Variants in CNTN6 observed in about 807,000 individuals in gnomAD.
CNTN6 encodes the protein contactin 6.
Under a neutral mutation model 122.8 loss-of-function variants are expected in CNTN6, and 137 were observed. The observed-to-expected ratio is 1.12, with a 90% CI of 0.97 to 1.29. The LOEUF (loss-of-function observed/expected upper bound fraction) is 1.29, where lower values mean the gene tolerates loss of function less well. Ranked by LOEUF, CNTN6 falls within the 50% of genes most tolerant of loss-of-function variation. The probability of loss-of-function intolerance (pLI) is 0.00; values close to 1 mark genes in which losing one functional copy is unlikely to be tolerated. For missense variants in CNTN6, 1,634 were observed against 1,223.4 expected, an observed-to-expected ratio of 1.34 and a Z score of -5.01; for synonymous variants, 570 against 426.0, an observed-to-expected ratio of 1.34 and a Z score of -4.16.
intron 1 of CNTN6, among the ~76,000 whole-genome samples, chr3:1,124,992 A>C (rs1409351046): frequency 6.6e-6 from 1 of 151,952 alleles, no homozygotes; most frequent in Admixed American, 6.6e-5. Context: ...GTCACAAAGT[A>C]GTCATTTTGT....
intron 1 of CNTN6, among the ~76,000 whole-genome samples, chr3:1,134,386 A>C (rs1362076927): frequency 6.6e-6 from 1 of 152,136 alleles, no homozygotes; most frequent in Non-Finnish European, 1.5e-5. Flanking sequence ...CCACTGAGCT[A>C]GTCTCCTACA....
At chr3:1,375,927 A>C (rs2126152146) in intron 16 of CNTN6, among the ~76,000 whole-genome samples, 1 of 152,214 alleles carries the variant, frequency 6.6e-6, no homozygotes, top group South Asian at 2.1e-4. Context: ...ATCTAGATTT[A>C]TTTAGGTGGT....
chr3:1,261,644 C>T (rs73109293), intron 4 of CNTN6, among the ~76,000 whole-genome samples: 3,324 of 152,164 alleles, frequency 0.022, 127 homozygotes, highest in African/African-American at 0.076. Flanking sequence ...ACGTAACTGT[C>T]CCCCAATGTG....
intron 1 of CNTN6, among the ~76,000 whole-genome samples, chr3:1,107,514 C>A (rs1191257328): frequency 6.6e-6 from 1 of 152,048 alleles, no homozygotes; most frequent in Admixed American, 6.6e-5. Context: ...ACCTTTCCTC[C>A]TTAAAATTAG....
intron 1 of CNTN6, among the ~76,000 whole-genome samples, chr3:1,117,427 T>G (rs980462974): frequency 8.5e-5 from 13 of 152,128 alleles, no homozygotes; most frequent in Non-Finnish European, 1.6e-4. Context: ...TGTGTTATAG[T>G]GGTTATGGGT....
At chr3:1,267,525 G>T (rs2094945536) in intron 4 of CNTN6, among the ~76,000 whole-genome samples, 1 of 152,038 alleles carries the variant, frequency 6.6e-6, no homozygotes, top group African/African-American at 2.4e-5. Flanking sequence ...CCCTCTCACG[G>T]TACACCTCTA....
Position 1,279,500 on chromosome 3 carries a change from T to C in CNTN6, c.454+992T>C, listed in dbSNP as rs544010525. Among the ~76,000 whole-genome samples the C allele has an allele frequency of 8.5e-5, 13 of 152,332 alleles. 2 individuals carry two copies. The South Asian group carries it at 1.9e-3, about 22-fold the overall frequency. ...TATAAGAGATATATGAGTATAATTA[T>C]TGTTTTACAGGCTCAGTACACTATA... On this transcript the variant is annotated intron_variant, in intron 5 of 22. Coordinates refer to ENST00000446702, the MANE Select transcript of CNTN6 (RefSeq NM_001289080.2).
chr3:1,308,688 G>T (rs902048999), intron 7 of CNTN6, among the ~76,000 whole-genome samples: 4 of 151,994 alleles, frequency 2.6e-5, no homozygotes, highest in South Asian at 2.1e-4. Context: ...TCCACTTACT[G>T]ATCAGTACCT....
intron 1 of CNTN6, among the ~76,000 whole-genome samples, chr3:1,138,138 A>T (rs1036285507): frequency 7.2e-5 from 11 of 152,182 alleles, no homozygotes; most frequent in African/African-American, 2.7e-4. Flanking sequence ...CAATTTGTCA[A>T]AGTTCCTCTT....
chr3:1,321,651 C>A lies in CNTN6; in HGVS notation c.763C>A (p.Pro255Thr). 1 of 1,609,980 alleles carries A rather than the reference C, an allele frequency of 6.2e-7. No individual in the cohort carries two copies. The highest frequency in any genetic ancestry group is 8.5e-7 in the Non-Finnish European group (1 of 1,177,684). The part of the protein sequence containing the change: ...VKLECFALGN[P>T]VPDISWRRLD... ...TTCTAATGAGGTGTAACTGTTTAGT[C>A]CAGTCCCCGATATTAGTTGGAGAAG... The change falls in exon 8 of 23, where the codon CCA (proline) becomes ACA (threonine). Residue 255 changes from proline (P) to threonine (T), a missense_variant and splice_region_variant. Pro to Thr is a conservative substitution (Grantham distance 38). Coordinates refer to ENST00000446702, the MANE Select transcript of CNTN6 (RefSeq NM_001289080.2).
intron 2 of CNTN6, among the ~76,000 whole-genome samples, chr3:1,202,514 C>T (rs1292553045): frequency 6.7e-6 from 1 of 150,300 alleles, no homozygotes; most frequent in Non-Finnish European, 1.5e-5. Flanking sequence ...GCCCTCCAGC[C>T]TGGGCGACAG....
At position 1,245,223 on chromosome 3, in the gene CNTN6, T is replaced by C. The variant is rs1385371804; in HGVS notation, c.358+17230T>C. ...ATATATATATATATATATATATATA[T>C]ATATATATATATACACACACACATA... On this transcript the variant is annotated intron_variant, in intron 4 of 22. Transcript: ENST00000446702. Among the ~76,000 whole-genome samples the C allele has an allele frequency of 1.5e-3, 29 of 18,790 alleles. 1 individual carries two copies. The highest frequency in any genetic ancestry group is 4.5e-3 in the African/African-American group (14 of 3,130). 12.3% of individuals were successfully genotyped at this position (18,790 alleles called of 152,430 possible).
chr3:1,373,028 C>T, intron 14 of CNTN6, 73 bp downstream of exon 14: 1 of 833,420 alleles, frequency 1.2e-6, no homozygotes. Context: ...AATTGTAGAC[C>T]TCTGAGAAAC....
chr3:1,358,335 G>A (rs1309470796), intron 12 of CNTN6, among the ~76,000 whole-genome samples: 2 of 151,822 alleles, frequency 1.3e-5, no homozygotes, highest in Non-Finnish European at 2.9e-5. Context: ...TTTTAGTTAA[G>A]AATTGGAAAT....
chr3:1,156,407 A>G (rs2092963191), intron 2 of CNTN6, among the ~76,000 whole-genome samples: 1 of 152,190 alleles, frequency 6.6e-6, no homozygotes, highest in Non-Finnish European at 1.5e-5. Context: ...AATATATAGT[A>G]TTTACACTTG....
intron 7 of CNTN6, among the ~76,000 whole-genome samples, chr3:1,300,594 AAAG>A (rs952178246): frequency 1.6e-5 from 2 of 125,232 alleles, no homozygotes; most frequent in Non-Finnish European, 3.2e-5. Flanking sequence ...AGAAAGAAAG[AAAG>A]AAAGAAAGAG....
intron 1 of CNTN6, among the ~76,000 whole-genome samples, chr3:1,113,512 T>C (rs1559337691): frequency 6.6e-6 from 1 of 152,318 alleles, no homozygotes; most frequent in Admixed American, 6.5e-5. Context: ...AACTTCATTG[T>C]AAATTCTAGG....
chr3:1,223,834 C>T (rs1031561590), intron 3 of CNTN6, among the ~76,000 whole-genome samples: 6 of 152,172 alleles, frequency 3.9e-5, no homozygotes, highest in African/African-American at 1.4e-4. Flanking sequence ...TAAGAAAAAA[C>T]TATAATAGTA....
intron 20 of CNTN6, among the ~76,000 whole-genome samples, chr3:1,387,615 G>A (rs1022527722): frequency 1.3e-5 from 2 of 152,198 alleles, no homozygotes; most frequent in Non-Finnish European, 2.9e-5. Flanking sequence ...AGCTCCCAGT[G>A]AAGACGCGTG....
Sources: allele counts gnomAD v4.1 joint callset (sites outside exome capture counted in the v4.1 genomes callset), GRCh38; gene constraint gnomAD v4.1.1; transcripts MANE v1.5; gene names NCBI Gene and HGNC (gene_info 2026-07-23, HGNC 2026-07-21).